SOS2: variants seen among roughly 807,000 people sequenced by gnomAD.
The protein encoded by SOS2 is son of sevenless homolog 2.
A neutral mutation model predicts 148.2 loss-of-function variants in SOS2; 65 were observed. That is an observed-to-expected ratio of 0.44 (90% CI 0.36 to 0.54). The LOEUF is 0.54. SOS2 is among the 20% of genes least tolerant of loss of function. SOS2 has a pLI of 0.00. For missense variants in SOS2, 1,341 were observed against 1,590.2 expected, an observed-to-expected ratio of 0.84 and a Z score of 2.67; for synonymous variants, 539 against 537.1, an observed-to-expected ratio of 1.00 and a Z score of -0.05.
intron 4 of SOS2, among the ~76,000 whole-genome samples, chr14:50,189,465 G>A (rs1886049709): frequency 6.6e-6 from 1 of 151,574 alleles, no homozygotes; most frequent in African/African-American, 2.4e-5. Context: ...TGAGTAAAAT[G>A]TAGCTGATAA....
chr14:50,228,528 A>G (rs1318519768), intron 1 of SOS2, among the ~76,000 whole-genome samples: 2 of 152,138 alleles, frequency 1.3e-5, no homozygotes, highest in African/African-American at 4.8e-5. Flanking sequence ...TTCCCTCATC[A>G]ATGGGCTGAA....
In SOS2 at chr14:50,174,623, G is replaced by C. The variant is rs927504138; in HGVS notation, c.970-71C>G. 3 of 801,168 alleles carry C rather than the reference G, an allele frequency of 3.7e-6. No individual in the cohort carries two copies. The African/African-American group carries it at 5.2e-5, about 14-fold the overall frequency. 49.6% of individuals were successfully genotyped at this position (801,168 alleles called of 1,614,324 possible). A position where few individuals can be genotyped will look rare whatever the true frequency, so the allele number is the denominator to read the frequency against. ...GGATATGCAACAGCAGTGCCTAACA[G>C]AAACGTCTACTAAAAATTTGAGATA... On this transcript the variant is annotated intron_variant, in intron 7 of 22. Transcript: ENST00000216373.
At chr14:50,154,951 A>G (rs1174635785) in intron 12 of SOS2, among the ~76,000 whole-genome samples, 1 of 152,228 alleles carries the variant, frequency 6.6e-6, no homozygotes, top group African/African-American at 2.4e-5. Context: ...CAGCAAGAAA[A>G]AAATGTATTT....
Position 50,145,328 on chromosome 14 carries a change from T to C in SOS2, c.2509A>G (p.Ile837Val), listed in dbSNP as rs1469543967. 1.2e-6 allele frequency: 2 copies of C among 1,600,866 alleles called. No individual in the cohort carries two copies. Among genetic ancestry groups the C allele is most frequent in the Non-Finnish European group, 1.7e-6 (2 of 1,176,022 alleles). Residue 837 changes from isoleucine (I) to valine (V), a missense_variant, in exon 16 of 23, where the codon ATT (isoleucine) becomes GTT (valine). Ile to Val is a conservative substitution (Grantham distance 29). This residue lies in a region of SOS2 where 408 missense variants were observed against 506.6 expected (regional missense o/e 0.81). Coordinates refer to ENST00000216373, the MANE Select transcript of SOS2 (RefSeq NM_006939.4). ...TNLTLWFEKC[I>V]VEAENFEERV... ...TCTTCAAAATTTTCTGCTTCCACAA[T>C]GCATCTAACAACAACAAAAATTCAT...
At chr14:50,143,470 C>T (rs1884363383) in intron 16 of SOS2, among the ~76,000 whole-genome samples, 1 of 152,056 alleles carries the variant, frequency 6.6e-6, no homozygotes, top group Non-Finnish European at 1.5e-5. Context: ...ACAAGTTTCA[C>T]TCTGTTGCCC....
At chr14:50,202,729 T>C (rs112454446) in intron 2 of SOS2, among the ~76,000 whole-genome samples, 9 of 151,578 alleles carry the variant, frequency 5.9e-5, no homozygotes, top group African/African-American at 1.2e-4. Context: ...AGCAAGACCC[T>C]GTCTCTTAAA....
At chr14:50,133,968 C>T (rs1883990998) in intron 19 of SOS2, among the ~76,000 whole-genome samples, 155 bp downstream of exon 19, 1 of 150,914 alleles carries the variant, frequency 6.6e-6, no homozygotes, top group African/African-American at 2.4e-5. Flanking sequence ...AAAAGGCTGA[C>T]ATTTCCCCCC....
rs1886468962 is a variant in SOS2 at position 50,201,023 on chromosome 14, G to T, written c.275C>A (p.Ser92Tyr). ...IDKWAIADAQ[S>Y]AIEKRKRRNP... is the part of the protein sequence containing the mutation. ...TCTTCGTTTTCGTTTTTCTATAGCA[G>T]ATTGTGCATCAGCAATGGCCCATTT... is the stretch of plus-strand genomic sequence containing the variant. Residue 92 changes from serine (S) to tyrosine (Y), a missense_variant, in exon 3 of 23, where the codon TCT becomes TAT. This residue lies in a region of SOS2 where 574 missense variants were observed against 711.1 expected (regional missense o/e 0.81). Coordinates refer to ENST00000216373, the MANE Select transcript of SOS2 (RefSeq NM_006939.4). The T allele has an allele frequency of 6.2e-7, 1 of 1,613,780 alleles. No individual in the cohort carries two copies. The highest frequency in any genetic ancestry group is 8.5e-7 in the Non-Finnish European group (1 of 1,179,860).
At chr14:50,148,673 A>G (rs965658727) in intron 14 of SOS2, among the ~76,000 whole-genome samples, 1 of 152,182 alleles carries the variant, frequency 6.6e-6, no homozygotes, top group Non-Finnish European at 1.5e-5. Flanking sequence ...AATATAACAT[A>G]ACATTTTGAG....
At chr14:50,169,082 C>A (rs898237230) in intron 8 of SOS2, among the ~76,000 whole-genome samples, 1 of 152,036 alleles carries the variant, frequency 6.6e-6, no homozygotes, top group Non-Finnish European at 1.5e-5. Flanking sequence ...GAGGCCAAGG[C>A]AGGCGGATCA....
In SOS2 at chr14:50,118,688, C is replaced by G; in HGVS notation, c.3655G>C (p.Val1219Leu). ...RDPLPDTPPP[V>L]PLRPPEHFIN... ...AAGTGTTCTGGAGGCCGAAGGGGAA[C>G]TGGTGGAGGGGTATCAGGAAGAGGA... Residue 1219 changes from valine (V) to leucine (L), a missense_variant, in exon 23 of 23, where the codon GTT (valine) becomes CTT (leucine). This residue lies in a region of SOS2 where 354 missense variants were observed against 347.7 expected (regional missense o/e 1.02). Transcript: ENST00000216373. The G allele has an allele frequency of 6.2e-7, 1 of 1,612,890 alleles. No homozygotes were observed. The highest frequency in any genetic ancestry group is 8.5e-7 in the Non-Finnish European group (1 of 1,179,748).
chr14:50,228,191 A>G (rs1309419848), intron 1 of SOS2, among the ~76,000 whole-genome samples: 7 of 151,766 alleles, frequency 4.6e-5, no homozygotes, highest in Admixed American at 1.3e-4. Context: ...ACAGGCACAC[A>G]CCACCACACC....
At chr14:50,202,021 G>A (rs1886507131) in intron 2 of SOS2, among the ~76,000 whole-genome samples, 1 of 152,188 alleles carries the variant, frequency 6.6e-6, no homozygotes, top group African/African-American at 2.4e-5. Context: ...CAAGTGCAGT[G>A]GCGGGATCTC....
At chr14:50,154,909 C>G (rs900349229) in intron 12 of SOS2, among the ~76,000 whole-genome samples, 2 of 152,096 alleles carry the variant, frequency 1.3e-5, no homozygotes, top group African/African-American at 4.8e-5. Context: ...CAAAAGTACA[C>G]TTAAGATGTG....
At chr14:50,123,380 C>CTTTTT (rs34222143) in intron 21 of SOS2, among the ~76,000 whole-genome samples, 5 of 118,482 alleles carry the variant, frequency 4.2e-5, no homozygotes, top group African/African-American at 1.3e-4. Flanking sequence ...CACCAGAGGG[C>CTTTTT]TTTTTTTTTT....
Position 50,145,308 on chromosome 14 carries a change from A to T in SOS2, c.2529T>A (p.Phe843Leu). 1 of 1,602,072 alleles carries T rather than the reference A, an allele frequency of 6.2e-7. No homozygotes were observed. Among genetic ancestry groups the T allele is most frequent in the Non-Finnish European group, 8.5e-7 (1 of 1,176,934 alleles). Residue 843 changes from phenylalanine (F) to leucine (L), a missense_variant, in exon 16 of 23, where the codon TTT (phenylalanine) becomes TTA (leucine). By Grantham distance (22) the Phe-to-Leu change is conservative. Coordinates refer to ENST00000216373, the MANE Select transcript of SOS2 (RefSeq NM_006939.4). ...TACTTAGTACTGCCACCCGTTCTTC[A>T]AAATTTTCTGCTTCCACAATGCATC... The part of the protein sequence containing the change: ...FEKCIVEAEN[F>L]EERVAVLSRI...
chr14:50,120,734 A>AT (rs1883473978), intron 21 of SOS2, among the ~76,000 whole-genome samples: 1 of 104,746 alleles, frequency 9.5e-6, no homozygotes, highest in Non-Finnish European at 1.9e-5. Context: ...CTAATCAGAG[A>AT]CCTTTTTTTT....
At chr14:50,216,163 C>T (rs1350227005) in intron 1 of SOS2, among the ~76,000 whole-genome samples, 2 of 150,630 alleles carry the variant, frequency 1.3e-5, no homozygotes, top group African/African-American at 4.9e-5. Context: ...TGGCAGCAAT[C>T]TTGGCTCACT....
chr14:50,175,428 C>CT (rs71441277), intron 7 of SOS2, among the ~76,000 whole-genome samples: 1,376 of 119,796 alleles, frequency 0.011, 19 homozygotes, highest in Middle Eastern at 0.07. Flanking sequence ...AGGAGTAATA[C>CT]TTTTTTTTTT....
Sources: gnomAD v4.1 joint callset for allele counts (sites outside exome capture counted in the v4.1 genomes callset) on GRCh38, gnomAD v4.1.1 for gene constraint, gnomAD v4.1.1 regional missense constraint, MANE v1.5 for transcripts, NCBI Gene and HGNC (gene_info 2026-07-23, HGNC 2026-07-21) for gene names.